The following EVI5 variants were observed in gnomAD, a reference collection of about 807,000 sequenced individuals.
EVI5 encodes ecotropic viral integration site 5 protein homolog.
In EVI5, 73 loss-of-function variants were observed where a neutral mutation model predicts 112.0. The observed-to-expected ratio is 0.65, with a 90% confidence interval of 0.54 to 0.79. The LOEUF is 0.79. Ranked by LOEUF, EVI5 falls within the 30% of genes least tolerant of loss-of-function variation. The pLI is 0.00. For missense variants in EVI5, 900 were observed against 968.8 expected (o/e 0.93, Z 0.94); for synonymous variants, 305 against 319.9 (o/e 0.95, Z 0.50).
intron 1 of EVI5, among the ~76,000 whole-genome samples, chr1:92,779,266 T>C (rs1280118899): frequency 1.3e-5 from 2 of 152,170 alleles, no homozygotes; most frequent in Admixed American, 1.3e-4. Flanking sequence ...CTCACAGCTG[T>C]AGTCCTAGCA....
chr1:92,641,724 G>C (rs1660006353), intron 13 of EVI5, among the ~76,000 whole-genome samples: 1 of 152,246 alleles, frequency 6.6e-6, no homozygotes, highest in African/African-American at 2.4e-5. Flanking sequence ...CTCTCCCTCA[G>C]CATATGACCC....
Position 92,546,918 on chromosome 1 carries a change from T to C in EVI5, c.2166+16724A>G, listed in dbSNP as rs1320254728. On this transcript the variant is annotated intron_variant, in intron 19 of 19. Coordinates refer to ENST00000684568, the MANE Select transcript of EVI5 (RefSeq NM_001350197.2). ...ATAATGAGAGACTTTAACACCCCAC[T>C]GTCAACATTAGACAGATTAACGAGA... 2.6e-5 allele frequency among the ~76,000 whole-genome samples: 4 copies of C among 152,230 alleles called. No homozygotes were observed. The East Asian group carries it at 7.7e-4, about 29-fold the overall frequency.
At chr1:92,655,840 G>A (rs1662905350) in intron 13 of EVI5, among the ~76,000 whole-genome samples, 1 of 152,058 alleles carries the variant, frequency 6.6e-6, no homozygotes, top group South Asian at 2.1e-4. Flanking sequence ...AACTACTACT[G>A]GGGCACATGT....
At chr1:92,730,543 G>A (rs1676282764) in intron 2 of EVI5, among the ~76,000 whole-genome samples, 1 of 151,208 alleles carries the variant, frequency 6.6e-6, no homozygotes. Flanking sequence ...TTAACCAAGT[G>A]TAGTGGTGCA....
Position 92,636,268 on chromosome 1 carries a change from T to C in EVI5, c.1461A>G (p.Arg487=), listed in dbSNP as rs2101912108. 6.2e-7 allele frequency: 1 copy of C among 1,613,890 alleles called. No homozygotes were observed. Among genetic ancestry groups the C allele is most frequent in the South Asian group, 1.1e-5 (1 of 91,072 alleles). ...CACACTGAGACTCAGCTTCACTCAG[T>C]CGGGCTTGGACCAATTCCTTCTCTA... ...LQLEKELVQA[R]LSEAESQCAL... Residue 487 remains arginine, a synonymous_variant, in exon 14 of 20, where the codon CGA becomes CGG. Transcript: ENST00000684568.
chr1:92,626,388 C>T (rs992039899), intron 14 of EVI5, among the ~76,000 whole-genome samples: 5 of 152,038 alleles, frequency 3.3e-5, no homozygotes, highest in Admixed American at 6.6e-5. Context: ...AATGATATTC[C>T]ACTGTATAGA....
chr1:92,665,568 A>T (rs1664753560), intron 11 of EVI5, among the ~76,000 whole-genome samples: 1 of 152,236 alleles, frequency 6.6e-6, no homozygotes, highest in African/African-American at 2.4e-5. Context: ...TCACTGCCAC[A>T]CTTCCAATAT....
At chr1:92,688,525 A>G (rs187680133) in intron 9 of EVI5, among the ~76,000 whole-genome samples, 1 of 152,368 alleles carries the variant, frequency 6.6e-6, no homozygotes, top group East Asian at 1.9e-4. Flanking sequence ...GTAAGGTACC[A>G]TAGTAAGATC....
intron 2 of EVI5, among the ~76,000 whole-genome samples, chr1:92,720,416 A>G (rs183136014): frequency 6.6e-5 from 10 of 151,962 alleles, no homozygotes; most frequent in Admixed American, 2.0e-4. Context: ...ACAAAAACAA[A>G]AAATGGGGAA....
chr1:92,733,709 GTC>G (rs1676874269), intron 2 of EVI5, among the ~76,000 whole-genome samples: 1 of 152,050 alleles, frequency 6.6e-6, no homozygotes, highest in African/African-American at 2.4e-5. Context: ...ACAGCACCCG[GTC>G]TACATTATCA....
intron 2 of EVI5, among the ~76,000 whole-genome samples, chr1:92,719,930 T>A (rs965903045): frequency 6.6e-6 from 1 of 152,002 alleles, no homozygotes; most frequent in African/African-American, 2.4e-5. Flanking sequence ...TCACAATTGC[T>A]ACAAATAGAA....
intron 14 of EVI5, among the ~76,000 whole-genome samples, chr1:92,627,150 A>G (rs550629900): frequency 2.0e-5 from 3 of 152,136 alleles, no homozygotes; most frequent in Non-Finnish European, 2.9e-5. Flanking sequence ...GTAGTCTTCT[A>G]TCCCTCACTC....
rs1387240388 is a variant in EVI5, at chr1:92,560,911, T to C, written c.2166+2731A>G. On this transcript the variant is annotated intron_variant, in intron 19 of 19. Coordinates refer to ENST00000684568, the MANE Select transcript of EVI5 (RefSeq NM_001350197.2). Reference sequence around the variant, plus strand: ...TTAAAGCTTCTGTTCTTTATCTAACTTTCATGATTATGAAGCCATTCAAAT... The same window carrying C: ...TTAAAGCTTCTGTTCTTTATCTAACCTTCATGATTATGAAGCCATTCAAAT... 2.0e-5 allele frequency among the ~76,000 whole-genome samples: 3 copies of C among 151,428 alleles called. No homozygotes were observed. The South Asian group carries it at 6.3e-4, about 32-fold the overall frequency.
intron 18 of EVI5, among the ~76,000 whole-genome samples, chr1:92,592,474 T>C (rs1420559325): frequency 2.6e-5 from 4 of 152,054 alleles, no homozygotes; most frequent in Non-Finnish European, 4.4e-5. Flanking sequence ...AGCAGGAAGA[T>C]CTAAAATTGA....
intron 18 of EVI5, among the ~76,000 whole-genome samples, chr1:92,592,040 G>A (rs1055011808): frequency 1.1e-4 from 16 of 152,170 alleles, no homozygotes; most frequent in African/African-American, 3.9e-4. Flanking sequence ...TCAGGAGATT[G>A]AGACCATCCT....
intron 1 of EVI5, among the ~76,000 whole-genome samples, chr1:92,758,138 A>G (rs1681238888): frequency 6.6e-6 from 1 of 152,346 alleles, no homozygotes; most frequent in South Asian, 2.1e-4. Context: ...TAGGCTATGA[A>G]ACTATTAACA....
chr1:92,598,161 A>G (rs575686512), intron 18 of EVI5, among the ~76,000 whole-genome samples: 1 of 152,236 alleles, frequency 6.6e-6, no homozygotes, highest in East Asian at 1.9e-4. Flanking sequence ...GTAATGAATA[A>G]GACAGATAAA....
intron 13 of EVI5, among the ~76,000 whole-genome samples, chr1:92,638,903 TA>T (rs1198727389): frequency 6.6e-6 from 1 of 151,834 alleles, no homozygotes; most frequent in African/African-American, 2.4e-5. Context: ...TCCAAACCTC[TA>T]AAAAAAATCT....
chr1:92,543,640 G>A (rs1234827933), intron 19 of EVI5, among the ~76,000 whole-genome samples: 4 of 152,178 alleles, frequency 2.6e-5, no homozygotes, highest in Admixed American at 2.6e-4. Context: ...CAACATGCCT[G>A]CCTCACAGCT....
Sources: allele counts gnomAD v4.1 joint callset (sites outside exome capture counted in the v4.1 genomes callset), GRCh38; gene constraint gnomAD v4.1.1; transcripts MANE v1.5; gene names NCBI Gene and HGNC (gene_info 2026-07-23, HGNC 2026-07-21).